The following NPHP4 variants were observed in gnomAD, a reference collection of about 807,000 sequenced individuals.
The protein encoded by NPHP4 is nephrocystin 4.
A neutral mutation model predicts 155.8 loss-of-function variants in NPHP4; 151 were observed. The observed-to-expected ratio is 0.97, with a 90% CI of 0.85 to 1.11. NPHP4 has a LOEUF of 1.11. NPHP4 is among the 50% of genes least tolerant of loss of function. The pLI, the probability that NPHP4 is intolerant of heterozygous loss-of-function variation, is 0.00. For synonymous variants in NPHP4, 845 were observed against 816.8 expected, an observed-to-expected ratio of 1.03 and a Z score of -0.59; for missense variants, 1,956 against 1,925.7, an observed-to-expected ratio of 1.02 and a Z score of -0.29.
intron 3 of NPHP4, among the ~76,000 whole-genome samples, chr1:5,975,392 G>T (rs1653364751): frequency 6.6e-6 from 1 of 152,198 alleles, no homozygotes; most frequent in South Asian, 2.1e-4. Flanking sequence ...GCTGCAGACA[G>T]CAGGCTCCAT....
Position 5,887,475 on chromosome 1 carries a change from G to A in NPHP4, c.2305-9C>T, listed in dbSNP as rs754547508. Reference sequence around the variant, plus strand: ...CCTTGGCGGAGGAGATGCTGCAGAAGAGAAAAGCGCGTTCAGAGGCTGGAG... The same window carrying A: ...CCTTGGCGGAGGAGATGCTGCAGAAAAGAAAAGCGCGTTCAGAGGCTGGAG... On this transcript the variant is annotated splice_polypyrimidine_tract_variant and intron_variant, in intron 17 of 29. Coordinates refer to ENST00000378156, the MANE Select transcript of NPHP4 (RefSeq NM_015102.5). The A allele has an allele frequency of 2.5e-6, 4 of 1,612,480 alleles. No individual in the cohort carries two copies. The Admixed American group carries it at 5.0e-5, about 20-fold the overall frequency.
chr1:5,925,675 G>A (rs1296907438), intron 11 of NPHP4, among the ~76,000 whole-genome samples: 1 of 152,094 alleles, frequency 6.6e-6, no homozygotes, highest in Non-Finnish European at 1.5e-5. Flanking sequence ...GAGTGCAGTG[G>A]CACAATCTCG....
At chr1:5,864,700 G>GC in intron 27 of NPHP4, 183 bp from the exon 28 acceptor site, 1 of 561,372 alleles carries the variant, frequency 1.8e-6, no homozygotes, top group South Asian at 2.8e-5. Context: ...TCCACACCAG[G>GC]CAAGTCCCTC....
rs980895887 is a variant in NPHP4, at chr1:5,931,600, G to C, written c.1302+1547C>G. Reference sequence around the variant, plus strand: ...AATATAAAAATTAGCCAGGCATGGTGGTGGGCACCTATAATCCCAGCTACT... The same window carrying C: ...AATATAAAAATTAGCCAGGCATGGTCGTGGGCACCTATAATCCCAGCTACT... On this transcript the variant is annotated intron_variant, in intron 10 of 29. Transcript: ENST00000378156. Among the ~76,000 whole-genome samples, 3 of 151,786 alleles carry C rather than the reference G, an allele frequency of 2.0e-5. No individual in the cohort carries two copies. In the South Asian group the frequency reaches 6.2e-4, roughly 32 times the overall value.
At chr1:5,934,770 G>A (rs997090641) in intron 9 of NPHP4, among the ~76,000 whole-genome samples, 3 of 152,150 alleles carry the variant, frequency 2.0e-5, no homozygotes, top group African/African-American at 4.8e-5. Context: ...ACGAATGGAC[G>A]CCCATGCCCT....
chr1:5,923,558 T>C (rs566744876), intron 11 of NPHP4, among the ~76,000 whole-genome samples: 2 of 152,236 alleles, frequency 1.3e-5, no homozygotes, highest in Admixed American at 1.3e-4. Context: ...CCAGAGAGGA[T>C]TACAGGGAAT....
chr1:5,942,388 G>A (rs949476789), intron 9 of NPHP4, among the ~76,000 whole-genome samples: 13 of 151,484 alleles, frequency 8.6e-5, no homozygotes, highest in African/African-American at 2.7e-4. Context: ...AAAATTAGCC[G>A]GGCGTGGTGG....
chr1:5,963,689 C>CTTTTTTTTTTT (rs57131022), intron 5 of NPHP4, among the ~76,000 whole-genome samples: 1 of 122,944 alleles, frequency 8.1e-6, no homozygotes, highest in Non-Finnish European at 1.7e-5. Flanking sequence ...CTTTTCTTTT[C>CTTTTTTTTTTT]TTTTTTTTTT....
chr1:5,878,470 A>G (rs529993361), intron 19 of NPHP4, among the ~76,000 whole-genome samples: 1 of 152,364 alleles, frequency 6.6e-6, no homozygotes, highest in East Asian at 1.9e-4. Context: ...TTCAGATTGC[A>G]TCACCCCAAC....
chr1:5,989,689 G>C (rs1182871375), intron 1 of NPHP4, among the ~76,000 whole-genome samples: 10 of 152,360 alleles, frequency 6.6e-5, no homozygotes, highest in African/African-American at 1.9e-4. Flanking sequence ...CCCCAGGTGG[G>C]GATTTCAGAG....
In NPHP4 at chr1:5,863,387, A is replaced by G. The variant is rs1419357494; in HGVS notation, c.4159T>C (p.Tyr1387His). Residue 1387 changes from tyrosine to histidine, a missense_variant, in exon 30 of 30, where the codon TAC becomes CAC. Transcript: ENST00000378156. ...DSFQVGGGET[Y>H]TIGLQFAPSQ... Reference sequence around the variant, plus strand: ...GGCGCAAACTGCAAGCCGATGGTGTAGGTCTCTCCACCCCCGACCTGGAAA... The same window carrying G: ...GGCGCAAACTGCAAGCCGATGGTGTGGGTCTCTCCACCCCCGACCTGGAAA... The G allele has an allele frequency of 6.2e-7, 1 of 1,613,726 alleles. No homozygotes were observed. Among genetic ancestry groups the G allele is most frequent in the Non-Finnish European group, 8.5e-7 (1 of 1,179,748 alleles).
In NPHP4 at chr1:5,886,373, C is replaced by G. The variant is rs548934052; in HGVS notation, c.2485+913G>C. 5 of 152,350 alleles carry G rather than the reference C, an allele frequency of 3.3e-5. No homozygotes were observed. The South Asian group carries it at 1.0e-3, about 32-fold the overall frequency. 9.4% of individuals were successfully genotyped at this position (152,350 alleles called of 1,614,324 possible). The stretch of plus-strand genomic sequence containing the variant: ...AGGCCCCCCACCAACCTCTGCGCTG[C>G]CAGCGTCGGGTGGATGTGGCCCATG... On this transcript the variant is annotated intron_variant, in intron 18 of 29. Transcript: ENST00000378156.
At chr1:5,964,941 A>ATATATATATATTTTTTTT in intron 5 of NPHP4, among the ~76,000 whole-genome samples, 3 of 59,422 alleles carry the variant, frequency 5.0e-5, no homozygotes, top group East Asian at 3.8e-4. Flanking sequence ...ATATATATAT[A>ATATATATATATTTTTTTT]TTTTTTTTTT....
chr1:5,864,921 C>T (rs2100400940), intron 27 of NPHP4, 181 bp downstream of exon 27: 1 of 623,914 alleles, frequency 1.6e-6, no homozygotes, highest in East Asian at 2.8e-5. Flanking sequence ...GTCACTCACC[C>T]CACAATGGCA....
chr1:5,909,589 G>C (rs935993308), intron 11 of NPHP4, among the ~76,000 whole-genome samples: 30 of 152,186 alleles, frequency 2.0e-4, no homozygotes, highest in African/African-American at 7.0e-4. Context: ...CAGTCTTGCA[G>C]CTCCCTGACT....
intron 5 of NPHP4, among the ~76,000 whole-genome samples, chr1:5,963,299 G>A (rs921201125): frequency 3.7e-4 from 56 of 152,096 alleles, no homozygotes; most frequent in African/African-American, 1.3e-3. Context: ...GGACGCTGAG[G>A]CAGGAGAATC....
intron 16 of NPHP4, among the ~76,000 whole-genome samples, chr1:5,902,073 T>C (rs1266558869): frequency 6.6e-6 from 1 of 152,210 alleles, no homozygotes; most frequent in Non-Finnish European, 1.5e-5. Flanking sequence ...TTCACACCTC[T>C]ATGCAAAGGA....
At chr1:5,951,963 C>A (rs1054630956) in intron 7 of NPHP4, among the ~76,000 whole-genome samples, 1 of 152,216 alleles carries the variant, frequency 6.6e-6, no homozygotes, top group African/African-American at 2.4e-5. Context: ...CGCACCTGCA[C>A]GACGCAGACA....
In NPHP4 at chr1:5,933,290, G is replaced by C. The variant is rs1041404643; in HGVS notation, c.1159C>G (p.His387Asp). The change falls in exon 10 of 30, where the codon CAC becomes GAC. Residue 387 changes from histidine (H) to aspartate (D), a missense_variant. Physicochemically the swap from His to Asp is moderately conservative, Grantham distance 81. Transcript: ENST00000378156. ...VTSLSNLACM[H>D]MVRWAVWNPL... Reference sequence around the variant, plus strand: ...TTCCAAACAGCCCAGCGGACCATGTGCATGCATGCCAGGTTGGACAGAGAG... The same window carrying C: ...TTCCAAACAGCCCAGCGGACCATGTCCATGCATGCCAGGTTGGACAGAGAG... The C allele has an allele frequency of 4.3e-6, 7 of 1,613,510 alleles. No homozygotes were observed. Among genetic ancestry groups the C allele is most frequent in the Admixed American group, 1.7e-5 (1 of 60,018 alleles).
Sources: allele counts gnomAD v4.1 joint callset (sites outside exome capture counted in the v4.1 genomes callset), GRCh38; gene constraint gnomAD v4.1.1; transcripts MANE v1.5; gene names NCBI Gene and HGNC (gene_info 2026-07-23, HGNC 2026-07-21).